BIRC5: variants seen among roughly 807,000 people sequenced by gnomAD.
The protein encoded by BIRC5 is baculoviral IAP repeat containing 5, also known as baculoviral IAP repeat-containing protein 5.
BIRC5 carries 8 observed loss-of-function variants against 15.8 expected under a neutral mutation model. The observed-to-expected ratio is 0.51, with a 90% CI of 0.30 to 0.91. The LOEUF is 0.91. Ranked by LOEUF, BIRC5 falls within the 40% of genes least tolerant of loss-of-function variation. The pLI is 0.07. For synonymous variants in BIRC5, 56 were observed against 64.5 expected (o/e 0.87, Z 0.63); for missense variants, 163 against 178.6 (o/e 0.91, Z 0.50).
rs1026250789 is a variant in BIRC5, at chr17:78,224,540, G to T, written c.*986G>T. The T allele has an allele frequency of 2.0e-5, 3 of 152,248 alleles. No individual in the cohort carries two copies. The highest frequency in any genetic ancestry group is 4.4e-5 in the Non-Finnish European group (3 of 68,060). The allele number at this position is 152,248 out of a possible 1,614,324, so 9.4% of individuals were successfully genotyped here. ...CGCCCAGGTCCCCGCTTTCTTTGGA[G>T]GCAGCAGCTCCCGCAGGGCTGAAGT... On this transcript the variant is annotated 3_prime_UTR_variant, in exon 4 of 4. Transcript: ENST00000350051.
Position 78,224,982 on chromosome 17 carries a change from C to T in BIRC5, c.*1428C>T, listed in dbSNP as rs1364195389. 2.6e-5 allele frequency: 4 copies of T among 152,224 alleles called. No individual in the cohort carries two copies. The highest frequency in any genetic ancestry group is 2.6e-4 in the Admixed American group (4 of 15,286). The allele number at this position is 152,224 out of a possible 1,614,324, so 9.4% of individuals were successfully genotyped here. On this transcript the variant is annotated 3_prime_UTR_variant, in exon 4 of 4. Coordinates refer to ENST00000350051, the MANE Select transcript of BIRC5 (RefSeq NM_001168.3). ...TTTTCCCTCTAAACTGGGAGAATAT[C>T]ACAGTGGTTTTTGTTAGCAGAAAAT...
intron 2 of BIRC5, chr17:78,215,031 A>G: frequency 2.2e-6 from 1 of 460,392 alleles, no homozygotes; most frequent in East Asian, 4.2e-5. Flanking sequence ...TTCATGTTCA[A>G]CAGAATACAT....
At position 78,214,730 on chromosome 17, in the gene BIRC5, G is replaced by A. The variant is rs2076465638; in HGVS notation, c.162G>A (p.Leu54=). The A allele has an allele frequency of 8.1e-6, 13 of 1,612,776 alleles. No individual in the cohort carries two copies. Among genetic ancestry groups the A allele is most frequent in the Non-Finnish European group, 1.1e-5 (13 of 1,179,500 alleles). ...IHCPTENEPD[L]AQCFFCFKEL... is the part of the protein sequence containing the mutation. Reference sequence around the variant, plus strand: ...GCCCCACTGAGAACGAGCCAGACTTGGCCCAGTGTTTCTTCTGCTTCAAGG... The same window carrying A: ...GCCCCACTGAGAACGAGCCAGACTTAGCCCAGTGTTTCTTCTGCTTCAAGG... The change falls in exon 2 of 4, where the codon TTG becomes TTA. Residue 54 remains leucine (L), a synonymous_variant. Transcript: ENST00000350051.
chr17:78,223,122 G>A (rs1237455415), intron 3 of BIRC5: 12 of 939,296 alleles, frequency 1.3e-5, no homozygotes, highest in Admixed American at 6.4e-5. Context: ...CCTGGACCTC[G>A]GTTTCCTCAC....
At chr17:78,217,467 C>A (rs1426918043) in intron 3 of BIRC5, among the ~76,000 whole-genome samples, 1 of 149,446 alleles carries the variant, frequency 6.7e-6, no homozygotes, top group East Asian at 1.9e-4. Flanking sequence ...TGAGCCACCA[C>A]ACCTGGCCTC....
intron 3 of BIRC5, among the ~76,000 whole-genome samples, chr17:78,222,465 G>A (rs554727675): frequency 1.3e-5 from 2 of 152,000 alleles, no homozygotes; most frequent in South Asian, 2.1e-4. Flanking sequence ...TCATGAGTTC[G>A]AGACCAACCT....
chr17:78,214,781 C>G lies in BIRC5; in HGVS notation c.213C>G (p.Asp71Glu). Residue 71 changes from aspartate (D) to glutamate (E), a missense_variant, in exon 2 of 4, where the codon GAC becomes GAG. Physicochemically the swap from Asp to Glu is conservative, Grantham distance 45. Transcript: ENST00000350051. ...FKELEGWEPD[D>E]DPIEEHKKHS... ...AGCTGGAAGGCTGGGAGCCAGATGA[C>G]GACCCCATGTAAGTCTTCTCTGGCC... is the stretch of plus-strand genomic sequence containing the variant. 1 of 1,612,324 alleles carries G rather than the reference C, an allele frequency of 6.2e-7. No individual in the cohort carries two copies. Among genetic ancestry groups the G allele is most frequent in the African/African-American group, 1.3e-5 (1 of 74,986 alleles).
intron 2 of BIRC5, 97 bp from the exon 3 acceptor site, chr17:78,216,552 CTGAGGCAGAGCAGGG>C: frequency 1.2e-6 from 1 of 854,166 alleles, no homozygotes; most frequent in Non-Finnish European, 1.9e-6. Flanking sequence ...CGTCTTACTC[CTGAGGCAGAGCAGGG>C]TGTGCCTGTG....
intron 3 of BIRC5, among the ~76,000 whole-genome samples, chr17:78,218,200 TC>T (rs1218659467): frequency 2.0e-5 from 3 of 152,004 alleles, no homozygotes; most frequent in Non-Finnish European, 4.4e-5. Flanking sequence ...TATAAGTAAA[TC>T]CCACATTTTG....
Position 78,223,618 on chromosome 17 carries a change from T to C in BIRC5, c.*64T>C. On this transcript the variant is annotated 3_prime_UTR_variant, in exon 4 of 4. Transcript: ENST00000350051. Reference sequence around the variant, plus strand: ...ACCACTTCCAGGGTTTATTCCCTGGTGCCACCAGCCTTCCTGTGGGCCCCT... The same window carrying C: ...ACCACTTCCAGGGTTTATTCCCTGGCGCCACCAGCCTTCCTGTGGGCCCCT... 2 of 1,605,666 alleles carry C rather than the reference T, an allele frequency of 1.2e-6. No homozygotes were observed. The highest frequency in any genetic ancestry group is 1.7e-4 in the Middle Eastern group (1 of 5,990).
chr17:78,218,872 G>A (rs147590830), intron 3 of BIRC5, among the ~76,000 whole-genome samples: 4 of 152,206 alleles, frequency 2.6e-5, no homozygotes, highest in East Asian at 3.9e-4. Flanking sequence ...CTCCCAAAGC[G>A]CTGAGATTAC....
At chr17:78,216,830 C>A in intron 3 of BIRC5, 49 bp downstream of exon 3, 2 of 1,412,522 alleles carry the variant, frequency 1.4e-6, no homozygotes, top group Non-Finnish European at 2.0e-6. Context: ...ATGTCTTTAG[C>A]ACTAAACTAC....
At chr17:78,217,087 C>T (rs1010245686) in intron 3 of BIRC5, among the ~76,000 whole-genome samples, 10 of 151,716 alleles carry the variant, frequency 6.6e-5, no homozygotes, top group Non-Finnish European at 1.5e-5. Flanking sequence ...ACCACATTGC[C>T]CAGGCTGGTC....
In BIRC5 at chr17:78,224,647, C is replaced by T. The variant is rs1298360982; in HGVS notation, c.*1093C>T. On this transcript the variant is annotated 3_prime_UTR_variant, in exon 4 of 4. Transcript: ENST00000350051. ...GGATTGTTACAGCTTCGCTGGAAAC[C>T]TCTGGAGGTCATCTCGGCTGTTCCT... 6.6e-6 allele frequency: 1 copy of T among 152,238 alleles called. No individual in the cohort carries two copies. The highest frequency in any genetic ancestry group is 1.9e-4 in the East Asian group (1 of 5,202). 9.4% of individuals were successfully genotyped at this position (152,238 alleles called of 1,614,324 possible). A position where few individuals can be genotyped will look rare whatever the true frequency, so the allele number is the denominator to read the frequency against.
chr17:78,219,432 G>A (rs1422172869), intron 3 of BIRC5, among the ~76,000 whole-genome samples: 2 of 152,172 alleles, frequency 1.3e-5, no homozygotes, highest in African/African-American at 4.8e-5. Context: ...TGATCTGCCC[G>A]CCTTGGCATC....
intron 3 of BIRC5, among the ~76,000 whole-genome samples, chr17:78,217,320 C>T (rs775598016): frequency 6.7e-6 from 1 of 148,980 alleles, no homozygotes. Context: ...AGATTACAGG[C>T]ATGTGCCACC....
intron 2 of BIRC5, among the ~76,000 whole-genome samples, chr17:78,215,547 T>G (rs930499623): frequency 1.3e-5 from 2 of 152,260 alleles, no homozygotes; most frequent in African/African-American, 2.4e-5. Context: ...CTTTCCACAC[T>G]GTAATGCCAT....
At position 78,223,791 on chromosome 17, in the gene BIRC5, T is replaced by TCTCTC; in HGVS notation, c.*237_*238insCTCTC. The TCTCTC allele has an allele frequency of 1.1e-6, 1 of 878,888 alleles. No homozygotes were observed. 54.4% of individuals were successfully genotyped at this position (878,888 alleles called of 1,614,324 possible). A position where few individuals can be genotyped will look rare whatever the true frequency, so the allele number is the denominator to read the frequency against. ...GTGGCTGCTTCTCTCTCTCTCTCTC[T>TCTCTC]TTTTTGGGGGCTCATTTTTGCTGTT... On this transcript the variant is annotated 3_prime_UTR_variant, in exon 4 of 4. Transcript: ENST00000350051.
Position 78,224,702 on chromosome 17 carries a change from C to T in BIRC5, c.*1148C>T, listed in dbSNP as rs1231385964. The stretch of plus-strand genomic sequence containing the variant: ...AATAAAAAGCCTGTCATTTCAAACA[C>T]TGCTGTGGACCCTACTGGGTTTTTA... On this transcript the variant is annotated 3_prime_UTR_variant, in exon 4 of 4. Transcript: ENST00000350051. 1 of 152,234 alleles carries T rather than the reference C, an allele frequency of 6.6e-6. No individual in the cohort carries two copies. Among genetic ancestry groups the T allele is most frequent in the Non-Finnish European group, 1.5e-5 (1 of 68,052 alleles). The allele number at this position is 152,234 out of a possible 1,614,324, so 9.4% of individuals were successfully genotyped here. A position where few individuals can be genotyped will look rare whatever the true frequency, so the allele number is the denominator to read the frequency against.
Sources: gnomAD v4.1 joint callset for allele counts (sites outside exome capture counted in the v4.1 genomes callset) on GRCh38, gnomAD v4.1.1 for gene constraint, MANE v1.5 for transcripts, NCBI Gene and HGNC (gene_info 2026-07-23, HGNC 2026-07-21) for gene names.